Variants in NPSR1 observed in about 807,000 individuals in gnomAD.
NPSR1 encodes the protein neuropeptide S receptor.
NPSR1 carries 48 observed loss-of-function variants against 46.9 expected under a neutral mutation model. The observed-to-expected ratio is 1.02, with a 90% CI of 0.81 to 1.30. The LOEUF (loss-of-function observed/expected upper bound fraction) is 1.30. NPSR1 is among the 50% of genes most tolerant of loss of function. The pLI, the probability that NPSR1 is intolerant of heterozygous loss-of-function variation, is 0.00. For synonymous variants in NPSR1, 176 were observed against 168.1 expected (o/e 1.05, Z -0.36); for missense variants, 450 against 449.5 (o/e 1.00, Z -0.01).
intron 2 of NPSR1, among the ~76,000 whole-genome samples, chr7:34,736,195 C>A (rs892203611): frequency 2.0e-5 from 3 of 152,142 alleles, no homozygotes; most frequent in African/African-American, 7.2e-5. Flanking sequence ...GAATTTGACA[C>A]ATCTGATCAC....
chr7:34,792,663 A>G (rs372495213), intron 3 of NPSR1, among the ~76,000 whole-genome samples: 3 of 65,892 alleles, frequency 4.6e-5, no homozygotes, highest in Non-Finnish European at 6.9e-5. Context: ...GTATATATAT[A>G]TTTATATATA....
intron 3 of NPSR1, among the ~76,000 whole-genome samples, chr7:34,792,812 G>GA (rs1394539539): frequency 6.9e-6 from 1 of 145,486 alleles, no homozygotes; most frequent in East Asian, 2.0e-4. Flanking sequence ...TGAACCCGGG[G>GA]TGTCAAGGCT....
At chr7:34,757,250 G>A (rs780817774) in intron 2 of NPSR1, among the ~76,000 whole-genome samples, 2 of 152,124 alleles carry the variant, frequency 1.3e-5, no homozygotes, top group Non-Finnish European at 2.9e-5. Context: ...TGCACACTTT[G>A]AATAGTCACT....
chr7:34,667,641 C>T (rs1456680717), intron 1 of NPSR1, among the ~76,000 whole-genome samples: 2 of 152,246 alleles, frequency 1.3e-5, no homozygotes, highest in East Asian at 3.9e-4. Flanking sequence ...GGACTCTTTC[C>T]TCCTTCTAAA....
Position 34,752,005 on chromosome 7 carries a change from G to T in NPSR1, c.281-26457G>T. ...CTGTCAGAGATGTTGGCGATGGCAT[G>T]GCACACCTGCTGGGCCAGCCGGTAG... On this transcript the variant is annotated intron_variant, in intron 2 of 8. Coordinates refer to ENST00000360581, the MANE Select transcript of NPSR1 (RefSeq NM_207172.2). 20 of 806,466 alleles carry T rather than the reference G, an allele frequency of 2.5e-5. 1 individual carries two copies. The South Asian group carries it at 2.7e-4, about 11-fold the overall frequency. The allele number at this position is 806,466 out of a possible 1,614,324, so 50.0% of individuals were successfully genotyped here.
At chr7:34,689,837 A>G (rs962235973) in intron 2 of NPSR1, among the ~76,000 whole-genome samples, 3 of 151,190 alleles carry the variant, frequency 2.0e-5, no homozygotes, top group African/African-American at 7.3e-5. Flanking sequence ...CCCAGTTGCC[A>G]GGGAGGCTGA....
chr7:34,741,851 A>G (rs554936652), intron 2 of NPSR1, among the ~76,000 whole-genome samples: 17 of 152,328 alleles, frequency 1.1e-4, no homozygotes, highest in African/African-American at 4.1e-4. Flanking sequence ...TCTTACCACA[A>G]TGCAGCAGCT....
intron 4 of NPSR1, among the ~76,000 whole-genome samples, chr7:34,819,948 C>G (rs530455355): frequency 6.6e-6 from 1 of 152,240 alleles, no homozygotes; most frequent in East Asian, 1.9e-4. Flanking sequence ...GGAGGGATAG[C>G]GTTAGCAGAA....
In NPSR1 at chr7:34,790,855, T is replaced by TTATATTATACATCATA. The variant is rs538559086; in HGVS notation, c.384+12293_384+12294insATTATACATCATATAT. ...TGTTATGTTATATATATGTTATATG[T>TTATATTATACATCATA]TATGTTATATATGTTATATGTTATA... is the stretch of plus-strand genomic sequence containing the variant. On this transcript the variant is annotated intron_variant, in intron 3 of 8. Coordinates refer to ENST00000360581, the MANE Select transcript of NPSR1 (RefSeq NM_207172.2). Among the ~76,000 whole-genome samples the TTATATTATACATCATA allele has an allele frequency of 6.3e-5, 8 of 127,450 alleles. No homozygotes were observed. The South Asian group carries it at 6.9e-4, about 11-fold the overall frequency. The allele number at this position is 127,450 out of a possible 152,430, so 83.6% of individuals were successfully genotyped here.
At chr7:34,789,368 G>C (rs1305693314) in intron 3 of NPSR1, among the ~76,000 whole-genome samples, 1 of 151,852 alleles carries the variant, frequency 6.6e-6, no homozygotes, top group East Asian at 1.9e-4. Flanking sequence ...TCTTTGAAAA[G>C]ATAAAATTGA....
At chr7:34,813,762 G>T (rs972217324) in intron 4 of NPSR1, among the ~76,000 whole-genome samples, 2 of 152,200 alleles carry the variant, frequency 1.3e-5, no homozygotes, top group Non-Finnish European at 2.9e-5. Context: ...TAGACCAGTG[G>T]TGTGACCACC....
intron 1 of NPSR1, among the ~76,000 whole-genome samples, chr7:34,680,042 A>T (rs1409578158): frequency 2.6e-5 from 4 of 152,180 alleles, no homozygotes; most frequent in Non-Finnish European, 4.4e-5. Flanking sequence ...TACAAAGCTC[A>T]CATGATATGA....
intron 3 of NPSR1, among the ~76,000 whole-genome samples, chr7:34,790,680 CTATG>C (rs1481143886): frequency 9.4e-6 from 1 of 106,416 alleles, no homozygotes; most frequent in Non-Finnish European, 2.0e-5. Context: ...GTTATATGTT[CTATG>C]TTATATATAA....
intron 2 of NPSR1, among the ~76,000 whole-genome samples, chr7:34,722,902 T>C (rs555563765): frequency 6.6e-6 from 1 of 152,222 alleles, no homozygotes; most frequent in East Asian, 1.9e-4. Flanking sequence ...TAAAAGATAA[T>C]GAAGAGTCAG....
intron 8 of NPSR1, among the ~76,000 whole-genome samples, chr7:34,877,624 G>A (rs1483618813): frequency 5.9e-5 from 9 of 152,210 alleles, no homozygotes; most frequent in Non-Finnish European, 1.3e-4. Flanking sequence ...AGGCAGAGGG[G>A]TCAGTTGGCT....
chr7:34,803,756 G>GA (rs77357385), intron 3 of NPSR1, among the ~76,000 whole-genome samples: 14,635 of 137,060 alleles, frequency 0.11, 896 homozygotes, highest in South Asian at 0.28. Flanking sequence ...AGCATGAGTA[G>GA]AAAAAAAAAA....
rs1047142995 is a variant in NPSR1 at position 34,705,896 on chromosome 7, C to T, written c.280+21212C>T. On this transcript the variant is annotated intron_variant, in intron 2 of 8. Transcript: ENST00000360581. The stretch of plus-strand genomic sequence containing the variant: ...TTCCCCATTCTTGGTTCCTGTGTTT[C>T]GACACAGCTCTCAACTTTCTGTAGT... 5.3e-5 allele frequency among the ~76,000 whole-genome samples: 8 copies of T among 151,138 alleles called. No homozygotes were observed. In the East Asian group the frequency reaches 5.8e-4, roughly 11 times the overall value.
At chr7:34,832,013 C>T (rs906723980) in intron 5 of NPSR1, among the ~76,000 whole-genome samples, 5 of 152,156 alleles carry the variant, frequency 3.3e-5, no homozygotes, top group Non-Finnish European at 7.3e-5. Flanking sequence ...TGGGTAAAAG[C>T]GCCCCAGGGA....
At chr7:34,702,089 G>A (rs1793857775) in intron 2 of NPSR1, among the ~76,000 whole-genome samples, 1 of 152,182 alleles carries the variant, frequency 6.6e-6, no homozygotes, top group Admixed American at 6.5e-5. Context: ...AGGCTCCTCT[G>A]TATTTCTACT....
Sources: gnomAD v4.1 joint callset for allele counts (sites outside exome capture counted in the v4.1 genomes callset) on GRCh38, gnomAD v4.1.1 for gene constraint, MANE v1.5 for transcripts, NCBI Gene and HGNC (gene_info 2026-07-23, HGNC 2026-07-21) for gene names.